The following TUBGCP3 variants were observed in gnomAD, a reference collection of about 807,000 sequenced individuals.
TUBGCP3 encodes the protein gamma-tubulin complex component 3.
Under a neutral mutation model 123.1 loss-of-function variants are expected in TUBGCP3, and 50 were observed. The ratio of observed to expected loss-of-function variants is 0.41; its 90% confidence interval spans 0.32 to 0.51. TUBGCP3 has a LOEUF of 0.51. TUBGCP3 is among the 20% of genes least tolerant of loss of function. The pLI is 0.36. For missense variants in TUBGCP3, 882 were observed against 1,127.0 expected (o/e 0.78, Z 3.11); for synonymous variants, 405 against 413.9 (o/e 0.98, Z 0.26).
chr13:112,531,680 G>T (rs1261919174), intron 11 of TUBGCP3, among the ~76,000 whole-genome samples: 1 of 152,170 alleles, frequency 6.6e-6, no homozygotes, highest in Non-Finnish European at 1.5e-5. Context: ...GGCATGTTTA[G>T]AAGTTATGAA....
chr13:112,526,973 A>G lies in TUBGCP3; in HGVS notation c.1524T>C (p.Ala508=), dbSNP rs1877185257. 2 of 1,614,098 alleles carry G rather than the reference A, an allele frequency of 1.2e-6. No individual in the cohort carries two copies. The highest frequency in any genetic ancestry group is 1.3e-5 in the African/African-American group (1 of 74,928). Residue 508 remains alanine, a synonymous_variant, in exon 13 of 22, where the codon GCT becomes GCC. Coordinates refer to ENST00000261965, the MANE Select transcript of TUBGCP3 (RefSeq NM_006322.6). ...HDQTPTTKMI[A]VTKSAESPQD... ...GGGGTGACTCTGCAGACTTGGTCAC[A>G]GCTATCATCTTTGTAGTGGGAGTCT... is the stretch of plus-strand genomic sequence containing the variant.
Position 112,508,987 on chromosome 13 carries a change from C to T in TUBGCP3, c.2087-4273G>A, listed in dbSNP as rs182066643. The stretch of plus-strand genomic sequence containing the variant: ...TGGCTGCCCTGCTAATCACCACGGT[C>T]GCGCCCCAGGTTCATTATTCTCAAC... On this transcript the variant is annotated intron_variant, in intron 17 of 21. Coordinates refer to ENST00000261965, the MANE Select transcript of TUBGCP3 (RefSeq NM_006322.6). The surrounding 1 kb of genome is among the most constrained non-coding windows in gnomAD (Gnocchi z 4.2). Among the ~76,000 whole-genome samples, 86 of 152,324 alleles carry T rather than the reference C, an allele frequency of 5.6e-4. No homozygotes were observed. Among genetic ancestry groups the T allele is most frequent in the African/African-American group, 1.9e-3 (81 of 41,570 alleles).
At chr13:112,578,781 G>A (rs1882060793) in intron 1 of TUBGCP3, among the ~76,000 whole-genome samples, 3 of 151,892 alleles carry the variant, frequency 2.0e-5, no homozygotes, top group Admixed American at 1.3e-4. Flanking sequence ...TGGCCCCCTG[G>A]ACCCACTTTC....
chr13:112,597,961 A>C, the TUBGCP3 span, among the ~76,000 whole-genome samples: 25 of 152,166 alleles, frequency 1.6e-4, no homozygotes, highest in Admixed American at 1.6e-3. Context: ...AAGTGCCACA[A>C]ACCACAGCCA....
chr13:112,494,982 T>C (rs1880434456), intron 20 of TUBGCP3, among the ~76,000 whole-genome samples: 1 of 152,220 alleles, frequency 6.6e-6, no homozygotes, highest in Non-Finnish European at 1.5e-5. Flanking sequence ...CCCTCGCCAA[T>C]GGGTAGTTTG....
intron 19 of TUBGCP3, 46 bp downstream of exon 19, chr13:112,503,986 A>T: frequency 6.4e-7 from 1 of 1,561,240 alleles, no homozygotes; most frequent in African/African-American, 1.4e-5. Flanking sequence ...CAAGAAAAGA[A>T]GATGATTCTT....
chr13:112,536,242 T>C (rs565558704), intron 11 of TUBGCP3, among the ~76,000 whole-genome samples: 1 of 152,388 alleles, frequency 6.6e-6, no homozygotes, highest in East Asian at 1.9e-4. Context: ...TGTACTTCCC[T>C]GTGAATTTGA....
intron 19 of TUBGCP3, among the ~76,000 whole-genome samples, chr13:112,502,880 AT>A (rs1393349655): frequency 1.3e-5 from 2 of 152,166 alleles, no homozygotes; most frequent in Non-Finnish European, 2.9e-5. Context: ...TCCTCAAAGT[AT>A]TTTAAACTAT....
chr13:112,504,161 C>T lies in TUBGCP3; in HGVS notation c.2178G>A (p.Val726=). The T allele has an allele frequency of 1.2e-6, 2 of 1,614,128 alleles. No individual in the cohort carries two copies. The highest frequency in any genetic ancestry group is 8.5e-7 in the Non-Finnish European group (1 of 1,180,016). Reference sequence around the variant, plus strand: ...AAAGCTCATCCCAAGAACATTCAAGCACCTGGGAAACAACAATTTAAAGAC... The same window carrying T: ...AAAGCTCATCCCAAGAACATTCAAGTACCTGGGAAACAACAATTTAAAGAC... The part of the protein sequence containing the change: ...HQMQYYITFE[V]LECSWDELWN... The change falls in exon 19 of 22, where the codon GTG becomes GTA. Residue 726 remains valine, a splice_region_variant and synonymous_variant. Coordinates refer to ENST00000261965, the MANE Select transcript of TUBGCP3 (RefSeq NM_006322.6).
chr13:112,538,495 G>A (rs554802232), intron 11 of TUBGCP3, among the ~76,000 whole-genome samples: 2 of 152,090 alleles, frequency 1.3e-5, no homozygotes, highest in East Asian at 3.9e-4. Flanking sequence ...TTAACTTTCT[G>A]TTCTCAGACT....
In TUBGCP3 at chr13:112,499,164, C is replaced by G; in HGVS notation, c.2329G>C (p.Ala777Pro). The G allele has an allele frequency of 1.9e-6, 3 of 1,611,660 alleles. No individual in the cohort carries two copies. The highest frequency in any genetic ancestry group is 2.5e-6 in the Non-Finnish European group (3 of 1,179,200). ...DSRALLNQLR[A>P]VFDQIIELQN... ...AGTTCAATAATTTGATCAAACACAGCTCTAAGTTGATTTAAAAGTGCCTGA... is the reference window on the plus strand; with the variant it reads ...AGTTCAATAATTTGATCAAACACAGGTCTAAGTTGATTTAAAAGTGCCTGA... The change falls in exon 20 of 22, where the codon GCT (alanine) becomes CCT (proline). Residue 777 changes from alanine to proline, a missense_variant. Around this residue, in one of 3 missense-constraint regions of TUBGCP3, gnomAD observed 160 missense variants for 220.3 expected, o/e 0.73. Transcript: ENST00000261965.
chr13:112,592,526 T>C (rs371801541), upstream of TUBGCP3, among the ~76,000 whole-genome samples: 1 of 152,146 alleles, frequency 6.6e-6, no homozygotes, highest in Non-Finnish European at 1.5e-5. This position sits in a 1 kb window ranked among gnomAD's most constrained non-coding sequence, Gnocchi z 4.1. Context: ...AGGGATACTG[T>C]CTCACTGCCC....
chr13:112,585,547 C>T (rs1882549586), intron 1 of TUBGCP3, among the ~76,000 whole-genome samples: 2 of 151,950 alleles, frequency 1.3e-5, no homozygotes, highest in African/African-American at 4.8e-5. Flanking sequence ...GGGTGGGGTG[C>T]AGATCACTTG....
chr13:112,524,697 C>A lies in TUBGCP3; in HGVS notation c.1556-2188G>T, dbSNP rs1876908442. Among the ~76,000 whole-genome samples the A allele has an allele frequency of 6.6e-6, 1 of 152,136 alleles. No individual in the cohort carries two copies. Among genetic ancestry groups the A allele is most frequent in the African/African-American group, 2.4e-5 (1 of 41,446 alleles). ...TGAGAGGGCCCATGGCTCTCACATG[C>A]CTGGAAAGGGTGTCTCCCCTGGACC... On this transcript the variant is annotated intron_variant, in intron 13 of 21. Transcript: ENST00000261965. The surrounding 1 kb of genome is among the most constrained non-coding windows in gnomAD (Gnocchi z 4.4).
At chr13:112,513,441 A>G (rs1881807431) in intron 17 of TUBGCP3, among the ~76,000 whole-genome samples, 1 of 152,242 alleles carries the variant, frequency 6.6e-6, no homozygotes. Context: ...GCACTTTCAC[A>G]TGTAACTACT....
chr13:112,559,268 A>T, intron 4 of TUBGCP3, 54 bp downstream of exon 4: 1 of 1,488,414 alleles, frequency 6.7e-7, no homozygotes, highest in South Asian at 1.3e-5. Flanking sequence ...TTTCCTATCA[A>T]AGTCAGCCAG....
Position 112,554,950 on chromosome 13 carries a change from C to T in TUBGCP3, c.777G>A (p.Gln259=). 6.2e-7 allele frequency: 1 copy of T among 1,613,012 alleles called. No homozygotes were observed. The highest frequency in any genetic ancestry group is 8.5e-7 in the Non-Finnish European group (1 of 1,179,818). ...ALVRDILYVF[Q]GIDGKNIKMN... ...TTTTGATGTTTTTGCCATCTATGCC[C>T]TGAAAGACGTACAAAATGTCCCTTA... The change falls in exon 7 of 22, where the codon CAG becomes CAA. Residue 259 remains glutamine (Q), a synonymous_variant. Coordinates refer to ENST00000261965, the MANE Select transcript of TUBGCP3 (RefSeq NM_006322.6).
At chr13:112,550,613 C>T (rs534833619) in intron 8 of TUBGCP3, among the ~76,000 whole-genome samples, 12 of 152,160 alleles carry the variant, frequency 7.9e-5, no homozygotes, top group African/African-American at 2.4e-5. Context: ...AATGCGGTAA[C>T]GTAGGGCAAG....
chr13:112,570,033 A>G (rs1210689682), intron 1 of TUBGCP3, among the ~76,000 whole-genome samples: 1 of 152,174 alleles, frequency 6.6e-6, no homozygotes, highest in Admixed American at 6.5e-5. Flanking sequence ...AGGATGCAGA[A>G]GCAAGCAGGG....
Sources: allele counts gnomAD v4.1 joint callset (sites outside exome capture counted in the v4.1 genomes callset), GRCh38; gene constraint gnomAD v4.1.1; regional missense constraint gnomAD v4.1.1; non-coding constraint Gnocchi (gnomAD v3.1); transcripts MANE v1.5; gene names NCBI Gene and HGNC (gene_info 2026-07-23, HGNC 2026-07-21).